Variants in XPO6 observed in about 807,000 individuals in gnomAD.
XPO6 encodes the protein exportin 6.
Under a neutral mutation model 130.0 loss-of-function variants are expected in XPO6, and 3 were observed. The ratio of observed to expected loss-of-function variants is 0.02; its 90% CI spans 0.01 to 0.06. The LOEUF (loss-of-function observed/expected upper bound fraction) is 0.06. XPO6 is among the 10% of genes least tolerant of loss of function. XPO6 has a pLI of 1.00. For synonymous variants in XPO6, 524 were observed against 548.9 expected (o/e 0.95, Z 0.63); for missense variants, 970 against 1,393.0 (o/e 0.70, Z 4.83).
At chr16:28,178,826 T>G (rs1170277906) in intron 2 of XPO6, among the ~76,000 whole-genome samples, 1 of 151,774 alleles carries the variant, frequency 6.6e-6, no homozygotes, top group Non-Finnish European at 1.5e-5. Flanking sequence ...CCCAGCACTT[T>G]CGGAGGCCAA....
intron 9 of XPO6, among the ~76,000 whole-genome samples, chr16:28,140,504 C>T (rs1036647525): frequency 1.3e-5 from 2 of 151,924 alleles, no homozygotes; most frequent in Non-Finnish European, 2.9e-5. Context: ...ATGGTGAAAC[C>T]CTGTCTCTAC....
intron 12 of XPO6, among the ~76,000 whole-genome samples, chr16:28,129,093 T>C (rs1397825968): frequency 4.6e-5 from 7 of 152,376 alleles, no homozygotes; most frequent in African/African-American, 7.2e-5. Context: ...TGTTGACACT[T>C]GATCACTTCT....
chr16:28,107,736 G>A, intron 17 of XPO6, 59 bp from the exon 18 acceptor site: 3 of 1,592,940 alleles, frequency 1.9e-6, no homozygotes, highest in Non-Finnish European at 2.6e-6. Flanking sequence ...ATGGTAAGAG[G>A]AGACACAAGG....
intron 1 of XPO6, among the ~76,000 whole-genome samples, chr16:28,210,120 C>A (rs1316682282): frequency 1.3e-5 from 2 of 152,178 alleles, no homozygotes; most frequent in Admixed American, 6.6e-5. Flanking sequence ...CAAAGCAAGA[C>A]CCTGTCTCAA....
intron 7 of XPO6, chr16:28,153,252 G>A: frequency 2.0e-6 from 2 of 989,400 alleles, no homozygotes; most frequent in African/African-American, 1.7e-5. Flanking sequence ...ACTCAGGCTT[G>A]CAACTTAATG....
intron 1 of XPO6, among the ~76,000 whole-genome samples, chr16:28,194,129 G>A (rs978274859): frequency 1.3e-5 from 2 of 151,952 alleles, no homozygotes; most frequent in African/African-American, 4.8e-5. Flanking sequence ...TCACCAAGTA[G>A]CTATGGGAAT....
chr16:28,173,869 G>T (rs1182574726), intron 4 of XPO6, among the ~76,000 whole-genome samples: 1 of 152,192 alleles, frequency 6.6e-6, no homozygotes, highest in African/African-American at 2.4e-5. Flanking sequence ...GAAACGTTCT[G>T]TTCTTCATCA....
intron 2 of XPO6, among the ~76,000 whole-genome samples, chr16:28,179,634 AGTGATTTACCTTT>A (rs2043585435): frequency 6.6e-6 from 1 of 152,208 alleles, no homozygotes; most frequent in Non-Finnish European, 1.5e-5. Flanking sequence ...CTAGAGCACT[AGTGATTTACCTTT>A]GCTGGAGGGT....
At chr16:28,120,399 AT>A (rs1188139844) in intron 14 of XPO6, among the ~76,000 whole-genome samples, 1 of 152,204 alleles carries the variant, frequency 6.6e-6, no homozygotes, top group African/African-American at 2.4e-5. Context: ...AAAGTTTGAA[AT>A]TCATAGTGAC....
chr16:28,210,513 AAT>A (rs1425581081), intron 1 of XPO6, among the ~76,000 whole-genome samples: 2 of 152,246 alleles, frequency 1.3e-5, no homozygotes, highest in African/African-American at 2.4e-5. Context: ...TGTATACCGC[AAT>A]AGACAGATAA....
At chr16:28,207,876 G>A (rs994640740) in intron 1 of XPO6, among the ~76,000 whole-genome samples, 4 of 152,232 alleles carry the variant, frequency 2.6e-5, no homozygotes, top group African/African-American at 9.6e-5. Context: ...CAGGCGCAGT[G>A]GCTCACGCCT....
chr16:28,168,200 T>C lies in XPO6; in HGVS notation c.565+1550A>G, dbSNP rs553701297. On this transcript the variant is annotated intron_variant, in intron 5 of 23. Coordinates refer to ENST00000304658, the MANE Select transcript of XPO6 (RefSeq NM_015171.4). ...AGTTGGGGTGTCAAAAAATGTGCTT[T>C]GAGACCAGGCACAGTGGCTCATGCC... Among the ~76,000 whole-genome samples the C allele has an allele frequency of 3.3e-5, 5 of 152,308 alleles. No individual in the cohort carries two copies. The South Asian group carries it at 1.0e-3, about 32-fold the overall frequency.
chr16:28,165,845 G>T (rs2043348672), intron 6 of XPO6, among the ~76,000 whole-genome samples: 1 of 152,196 alleles, frequency 6.6e-6, no homozygotes, highest in Admixed American at 6.5e-5. Flanking sequence ...GAAACTAAAA[G>T]TTCCTGTTCA....
intron 1 of XPO6, among the ~76,000 whole-genome samples, chr16:28,203,709 G>A (rs2043985917): frequency 6.6e-6 from 1 of 152,150 alleles, no homozygotes; most frequent in African/African-American, 2.4e-5. Context: ...AAATCAGCTT[G>A]TGCTTTTCCT....
In XPO6 at chr16:28,176,106, AAT is replaced by A. The variant is rs1452163342; in HGVS notation, c.208-13_208-12del. 4 of 1,613,864 alleles carry A rather than the reference AAT, an allele frequency of 2.5e-6. No homozygotes were observed. Among genetic ancestry groups the A allele is most frequent in the Non-Finnish European group, 2.5e-6 (3 of 1,179,864 alleles). On this transcript the variant is annotated splice_polypyrimidine_tract_variant and intron_variant, in intron 3 of 23. Transcript: ENST00000304658. ...TTTATTGATCAGATTCTGAAAAACA[AAT>A]ATACATCTTTTAAGTTAACAACCTA...
At chr16:28,108,720 C>A (rs1211258712) in intron 17 of XPO6, among the ~76,000 whole-genome samples, 3 of 152,358 alleles carry the variant, frequency 2.0e-5, no homozygotes, top group Admixed American at 6.5e-5. Flanking sequence ...TGGCAGCAGT[C>A]TCTGGGTCCC....
chr16:28,121,161 C>T (rs1311751142), intron 14 of XPO6, among the ~76,000 whole-genome samples: 4 of 152,244 alleles, frequency 2.6e-5, no homozygotes, highest in African/African-American at 9.6e-5. Flanking sequence ...TCAAAATAAC[C>T]TGGGGTTCTT....
chr16:28,152,544 A>G, intron 8 of XPO6, 115 bp downstream of exon 8: 1 of 1,277,360 alleles, frequency 7.8e-7, no homozygotes, highest in Non-Finnish European at 1.1e-6. Flanking sequence ...TCTTCACATA[A>G]TAAGCATTAT....
At chr16:28,183,972 G>A (rs1432271337) in intron 1 of XPO6, among the ~76,000 whole-genome samples, 2 of 152,188 alleles carry the variant, frequency 1.3e-5, no homozygotes, top group African/African-American at 2.4e-5. Context: ...AAGGATACTG[G>A]AGAATTCCCT....
Sources: gnomAD v4.1 joint callset for allele counts (sites outside exome capture counted in the v4.1 genomes callset) on GRCh38, gnomAD v4.1.1 for gene constraint, MANE v1.5 for transcripts, NCBI Gene and HGNC (gene_info 2026-07-23, HGNC 2026-07-21) for gene names.